Variants in TUT4 observed in about 807,000 individuals in gnomAD.
The protein encoded by TUT4 is terminal uridylyltransferase 4.
TUT4 carries 36 observed loss-of-function variants against 192.2 expected under a neutral mutation model. That is an observed-to-expected ratio of 0.19 (90% CI 0.14 to 0.25). The LOEUF (loss-of-function observed/expected upper bound fraction) is 0.25. Among genes scored for constraint, TUT4 ranks in the 10% least tolerant of loss-of-function variants. The pLI, the probability that TUT4 is intolerant of heterozygous loss-of-function variation, is 1.00. For missense variants in TUT4, 1,493 were observed against 1,957.2 expected (o/e 0.76, Z 4.47); for synonymous variants, 618 against 666.0 (o/e 0.93, Z 1.11).
At position 52,446,025 on chromosome 1, in the gene TUT4, T is replaced by C. The variant is rs747717491; in HGVS notation, c.3692-21A>G. Reference sequence around the variant, plus strand: ...AGGGTCTACAAAAGAAATATATCAATGATTAAGAATTACATTCACTGTACC... The same window carrying C: ...AGGGTCTACAAAAGAAATATATCAACGATTAAGAATTACATTCACTGTACC... On this transcript the variant is annotated intron_variant, in intron 22 of 29. Coordinates refer to ENST00000257177, the MANE Select transcript of TUT4 (RefSeq NM_001009881.3). 4 of 1,589,264 alleles carry C rather than the reference T, an allele frequency of 2.5e-6. No individual in the cohort carries two copies. In the East Asian group the frequency reaches 6.7e-5, roughly 27 times the overall value.
At position 52,461,194 on chromosome 1, in the gene TUT4, A is replaced by G. The variant is rs145832805; in HGVS notation, c.3261T>C (p.Thr1087=). 6.2e-7 allele frequency: 1 copy of G among 1,608,282 alleles called. No homozygotes were observed. Among genetic ancestry groups the G allele is most frequent in the African/African-American group, 1.3e-5 (1 of 74,954 alleles). ...GCACTCTAGGATCAATAGCTGCATA[A>G]GTAGCTAGCATTCTTGTGTTATGTT... ...LAQHNTRMLA[T]YAAIDPRVQY... is the part of the protein sequence containing the mutation. The change falls in exon 19 of 30, where the codon ACT becomes ACC. Residue 1087 remains threonine (T), a synonymous_variant. Transcript: ENST00000257177.
intron 16 of TUT4, chr1:52,462,175 C>CTTTTTTTTTT (rs1210058850): frequency 1.7e-5 from 2 of 121,060 alleles, no homozygotes; most frequent in Admixed American, 8.6e-5. Flanking sequence ...GGATTCAAAT[C>CTTTTTTTTTT]TTTTTTTTTT....
chr1:52,527,628 T>A (rs1202300445), intron 1 of TUT4, among the ~76,000 whole-genome samples: 1 of 152,138 alleles, frequency 6.6e-6, no homozygotes, highest in Non-Finnish European at 1.5e-5. Context: ...TATGACACTA[T>A]AATAGTGAAT....
At chr1:52,457,188 T>C (rs1463794859) in intron 20 of TUT4, among the ~76,000 whole-genome samples, 1 of 152,124 alleles carries the variant, frequency 6.6e-6, no homozygotes, top group Admixed American at 6.6e-5. Flanking sequence ...ACTAAGGCTA[T>C]CTGACACCTA....
chr1:52,550,011 C>A (rs1478045060), intron 1 of TUT4, among the ~76,000 whole-genome samples: 1 of 152,108 alleles, frequency 6.6e-6, no homozygotes, highest in African/African-American at 2.4e-5. Flanking sequence ...TATACCCTTT[C>A]TTCTCCTTGG....
In TUT4 at chr1:52,532,031, G is replaced by A. The variant is rs150363671; in HGVS notation, c.-93-5658C>T. ...GCCTCCTGAGTAGCTGGGACTACAAGCGTGTGCTACCACGCCCAGCTAATT... is the reference window on the plus strand; with the variant it reads ...GCCTCCTGAGTAGCTGGGACTACAAACGTGTGCTACCACGCCCAGCTAATT... On this transcript the variant is annotated intron_variant, in intron 1 of 29. Coordinates refer to ENST00000257177, the MANE Select transcript of TUT4 (RefSeq NM_001009881.3). Among the ~76,000 whole-genome samples the A allele has an allele frequency of 6.7e-3, 1,006 of 151,082 alleles. 11 individuals are homozygous for A. The highest frequency in any genetic ancestry group is 0.023 in the African/African-American group (953 of 41,198).
chr1:52,453,243 A>G (rs371389420), intron 20 of TUT4, among the ~76,000 whole-genome samples: 1 of 151,908 alleles, frequency 6.6e-6, no homozygotes, highest in East Asian at 1.9e-4. Flanking sequence ...TTAGCCGGGC[A>G]TGGTGGTGGG....
At chr1:52,427,192 A>G (rs1169835973) in intron 28 of TUT4, among the ~76,000 whole-genome samples, 3 of 152,182 alleles carry the variant, frequency 2.0e-5, no homozygotes, top group East Asian at 1.9e-4. Flanking sequence ...CAGCACAGTA[A>G]GACAAATGTT....
intron 24 of TUT4, among the ~76,000 whole-genome samples, chr1:52,440,736 T>C (rs1266345217): frequency 6.6e-6 from 1 of 152,180 alleles, no homozygotes; most frequent in Admixed American, 6.5e-5. Flanking sequence ...AAACTTATTC[T>C]GTAAAGAGTC....
intron 4 of TUT4, among the ~76,000 whole-genome samples, chr1:52,505,549 G>A (rs1428952695): frequency 6.6e-6 from 1 of 150,386 alleles, no homozygotes; most frequent in African/African-American, 2.5e-5. Context: ...AGCCTCTCGA[G>A]TAGCTGGAAT....
chr1:52,460,319 T>C (rs1038371994), intron 19 of TUT4, among the ~76,000 whole-genome samples: 1 of 151,972 alleles, frequency 6.6e-6, no homozygotes, highest in African/African-American at 2.4e-5. Flanking sequence ...CCGTCTCTAC[T>C]AAAAATACAA....
intron 7 of TUT4, among the ~76,000 whole-genome samples, chr1:52,492,784 A>C (rs751138948): frequency 6.6e-6 from 1 of 152,240 alleles, no homozygotes; most frequent in Non-Finnish European, 1.5e-5. Flanking sequence ...TACCTATATG[A>C]ATGATGTGTT....
chr1:52,538,642 G>C (rs1571439233), intron 1 of TUT4: 3 of 108,916 alleles, frequency 2.8e-5, no homozygotes, highest in Middle Eastern at 6.3e-3. Context: ...GCAAGACTCT[G>C]TCTAAAAAAA....
intron 1 of TUT4, among the ~76,000 whole-genome samples, chr1:52,539,415 T>C (rs983170298): frequency 1.3e-5 from 2 of 152,130 alleles, no homozygotes; most frequent in African/African-American, 4.8e-5. Flanking sequence ...ATAAGAAATA[T>C]AGCCAGCAGG....
At position 52,540,205 on chromosome 1, in the gene TUT4, C is replaced by T. The variant is rs374641526; in HGVS notation, c.-94+12726G>A. On this transcript the variant is annotated intron_variant, in intron 1 of 29. Coordinates refer to ENST00000257177, the MANE Select transcript of TUT4 (RefSeq NM_001009881.3). ...CTGCACTCCAGCCTGGGTGACAGAGCGAGACTCTGTCTCAAAAAAAAAAAA... is the reference window on the plus strand; with the variant it reads ...CTGCACTCCAGCCTGGGTGACAGAGTGAGACTCTGTCTCAAAAAAAAAAAA... 1.8e-3 allele frequency among the ~76,000 whole-genome samples: 238 copies of T among 134,896 alleles called. 1 individual carries two copies. The highest frequency in any genetic ancestry group is 4.2e-3 in the East Asian group (19 of 4,528). 88.5% of individuals were successfully genotyped at this position (134,896 alleles called of 152,430 possible).
chr1:52,462,744 T>C lies in TUT4; in HGVS notation c.3070-975A>G, dbSNP rs371054524. The C allele has an allele frequency of 4.0e-4, 390 of 984,902 alleles. 10 individuals are homozygous for C. The South Asian group carries it at 0.016, about 41-fold the overall frequency. The allele number at this position is 984,902 out of a possible 1,614,324, so 61.0% of individuals were successfully genotyped here. On this transcript the variant is annotated intron_variant, in intron 16 of 29. Transcript: ENST00000257177. ...ATACTCCTATTATCACCAGCACCTA[T>C]TTCTCCAAGGAAATTCTTACCTCTG...
intron 26 of TUT4, among the ~76,000 whole-genome samples, 157 bp from the exon 27 acceptor site, chr1:52,435,622 A>G (rs1245562363): frequency 6.6e-6 from 1 of 152,260 alleles, no homozygotes; most frequent in Non-Finnish European, 1.5e-5. Flanking sequence ...AAGGACTTGC[A>G]GCAACTGAGC....
chr1:52,455,183 C>T (rs971840164), intron 20 of TUT4, among the ~76,000 whole-genome samples: 2 of 152,028 alleles, frequency 1.3e-5, no homozygotes, highest in Non-Finnish European at 2.9e-5. Flanking sequence ...ACTTGGGAGG[C>T]TTACTTAGGA....
chr1:52,541,166 G>A (rs546303968), intron 1 of TUT4, among the ~76,000 whole-genome samples: 39 of 149,164 alleles, frequency 2.6e-4, no homozygotes, highest in African/African-American at 3.7e-4. Flanking sequence ...CCAAGATCAC[G>A]CGACTGCACT....
Sources: allele counts gnomAD v4.1 joint callset (sites outside exome capture counted in the v4.1 genomes callset), GRCh38; gene constraint gnomAD v4.1.1; transcripts MANE v1.5; gene names NCBI Gene and HGNC (gene_info 2026-07-23, HGNC 2026-07-21).